Variants in ARHGAP12 observed in about 807,000 individuals in gnomAD.
The protein encoded by ARHGAP12 is Rho GTPase activating protein 12.
In ARHGAP12, 64 loss-of-function variants were observed where a neutral mutation model predicts 108.6. The ratio of observed to expected loss-of-function variants is 0.59; its 90% CI spans 0.48 to 0.73. The LOEUF (loss-of-function observed/expected upper bound fraction) is 0.73. ARHGAP12 is among the 30% of genes least tolerant of loss of function. The pLI is 0.00. For synonymous variants in ARHGAP12, 312 were observed against 337.2 expected (o/e 0.93, Z 0.82); for missense variants, 940 against 1,005.9 (o/e 0.93, Z 0.89).
chr10:31,828,096 T>C (rs540310577), intron 10 of ARHGAP12, among the ~76,000 whole-genome samples: 68 of 152,306 alleles, frequency 4.5e-4, no homozygotes, highest in African/African-American at 1.6e-3. Flanking sequence ...TGTGGACTTC[T>C]GCACATGCTT....
intron 3 of ARHGAP12, among the ~76,000 whole-genome samples, chr10:31,906,439 A>C (rs1012630625): frequency 9.2e-5 from 14 of 152,214 alleles, no homozygotes; most frequent in Admixed American, 8.5e-4. Context: ...TATCACACAG[A>C]TGGCAAGTGA....
chr10:31,874,589 A>C (rs1837654858), intron 3 of ARHGAP12, among the ~76,000 whole-genome samples: 1 of 152,220 alleles, frequency 6.6e-6, no homozygotes, highest in Non-Finnish European at 1.5e-5. Flanking sequence ...TTTTATACCA[A>C]GGCAAGAAAT....
In ARHGAP12 at chr10:31,819,586, C is replaced by T. The variant is rs116380293; in HGVS notation, c.1632+801G>A. Among the ~76,000 whole-genome samples, 952 of 152,252 alleles carry T rather than the reference C, an allele frequency of 6.3e-3. 14 individuals carry two copies. The highest frequency in any genetic ancestry group is 0.022 in the African/African-American group (895 of 41,538). On this transcript the variant is annotated intron_variant, in intron 12 of 19. Transcript: ENST00000344936. The stretch of plus-strand genomic sequence containing the variant: ...ACTTCCAAATCTAGGCCCTGAGAAG[C>T]CCTGCAGGTTCCACCCTCACCCTCT...
chr10:31,860,984 G>A (rs1355763268), intron 4 of ARHGAP12, among the ~76,000 whole-genome samples: 12 of 152,216 alleles, frequency 7.9e-5, no homozygotes, highest in African/African-American at 2.7e-4. Flanking sequence ...AAGCCCAAGA[G>A]TTTGAGGCTA....
intron 1 of ARHGAP12, among the ~76,000 whole-genome samples, chr10:31,915,767 T>G (rs1839529402): frequency 6.6e-6 from 1 of 152,088 alleles, no homozygotes; most frequent in Admixed American, 6.6e-5. Flanking sequence ...CATGAAATAA[T>G]TTACGTTTAA....
chr10:31,809,516 G>GTAATTCTA (rs1834938604), intron 16 of ARHGAP12: 2 of 527,192 alleles, frequency 3.8e-6, no homozygotes, highest in Non-Finnish European at 6.8e-6. Context: ...ATAAACAGCA[G>GTAATTCTA]TAATTCTACT....
chr10:31,823,609 T>C (rs1485056870), intron 11 of ARHGAP12, among the ~76,000 whole-genome samples: 2 of 152,216 alleles, frequency 1.3e-5, no homozygotes, highest in African/African-American at 4.8e-5. Flanking sequence ...GAACCTGCTA[T>C]TTCCTCAAGT....
intron 3 of ARHGAP12, among the ~76,000 whole-genome samples, chr10:31,892,841 T>C (rs1482430605): frequency 1.3e-5 from 2 of 152,198 alleles, no homozygotes; most frequent in African/African-American, 2.4e-5. Context: ...ATTGACCACA[T>C]AGTTGGAAGT....
intron 3 of ARHGAP12, among the ~76,000 whole-genome samples, chr10:31,905,228 A>C (rs1042196743): frequency 6.6e-6 from 1 of 151,994 alleles, no homozygotes; most frequent in African/African-American, 2.4e-5. Flanking sequence ...GGCTGTGATA[A>C]TTGTATAAAT....
At chr10:31,906,525 T>G (rs1052752103) in intron 3 of ARHGAP12, among the ~76,000 whole-genome samples, 2 of 152,188 alleles carry the variant, frequency 1.3e-5, no homozygotes. Flanking sequence ...TTCCATCCCA[T>G]GGCTTTCATA....
At chr10:31,843,100 G>A (rs1836329578) in intron 7 of ARHGAP12, among the ~76,000 whole-genome samples, 1 of 152,020 alleles carries the variant, frequency 6.6e-6, no homozygotes, top group South Asian at 2.1e-4. Context: ...TTTAAAATAA[G>A]GTAAGCAAGA....
chr10:31,865,360 T>A (rs1349219902), intron 3 of ARHGAP12, among the ~76,000 whole-genome samples: 2 of 152,124 alleles, frequency 1.3e-5, no homozygotes, highest in Non-Finnish European at 2.9e-5. Flanking sequence ...GAAGGTTAAA[T>A]TAACATACAG....
At chr10:31,825,470 T>C (rs571079572) in intron 11 of ARHGAP12, among the ~76,000 whole-genome samples, 142 of 152,292 alleles carry the variant, frequency 9.3e-4, no homozygotes, top group African/African-American at 3.2e-3. Context: ...CAAAAACTTT[T>C]AGAAATAGCC....
chr10:31,881,318 A>T (rs1241520104), intron 3 of ARHGAP12, among the ~76,000 whole-genome samples: 1 of 152,200 alleles, frequency 6.6e-6, no homozygotes, highest in Non-Finnish European at 1.5e-5. Flanking sequence ...CAGGCTGAAA[A>T]ACAGGAATAA....
intron 3 of ARHGAP12, among the ~76,000 whole-genome samples, chr10:31,905,271 T>C (rs560144697): frequency 2.0e-5 from 3 of 152,278 alleles, no homozygotes; most frequent in Non-Finnish European, 2.9e-5. Flanking sequence ...TTTTTGGTTC[T>C]TGTTTTTAGA....
chr10:31,815,337 A>G (rs1835167430), intron 13 of ARHGAP12, among the ~76,000 whole-genome samples: 1 of 152,128 alleles, frequency 6.6e-6, no homozygotes, highest in Non-Finnish European at 1.5e-5. Context: ...CAGCTGCACC[A>G]GCACCATCTG....
chr10:31,863,344 A>T (rs1287459897), intron 3 of ARHGAP12, among the ~76,000 whole-genome samples: 1 of 152,166 alleles, frequency 6.6e-6, no homozygotes, highest in Non-Finnish European at 1.5e-5. Flanking sequence ...CAGAACCTAG[A>T]ATATCTAGAG....
Position 31,843,546 on chromosome 10 carries a change from C to T in ARHGAP12, c.1211G>A (p.Ser404Asn), listed in dbSNP as rs1836344495. The change falls in exon 7 of 20, where the codon AGT (serine) becomes AAT (asparagine). Residue 404 changes from serine to asparagine, a missense_variant. Transcript: ENST00000344936. ...SSQQQREIIK[S>N]RSLDRRLQEP... is the part of the protein sequence containing the mutation. Reference sequence around the variant, plus strand: ...TTGCAGCCGCCTGTCCAGGCTCCTACTTTTAATTATTTCTCTTTGCTGCTG... The same window carrying T: ...TTGCAGCCGCCTGTCCAGGCTCCTATTTTTAATTATTTCTCTTTGCTGCTG... The T allele has an allele frequency of 6.2e-7, 1 of 1,611,006 alleles. No individual in the cohort carries two copies. Among genetic ancestry groups the T allele is most frequent in the African/African-American group, 1.3e-5 (1 of 74,696 alleles).
intron 4 of ARHGAP12, among the ~76,000 whole-genome samples, chr10:31,858,339 C>T (rs753744082): frequency 3.9e-5 from 6 of 152,184 alleles, no homozygotes; most frequent in Non-Finnish European, 7.4e-5. Context: ...CATATGACAG[C>T]AGCAGCACAA....
Sources: gnomAD v4.1 joint callset for allele counts (sites outside exome capture counted in the v4.1 genomes callset) on GRCh38, gnomAD v4.1.1 for gene constraint, MANE v1.5 for transcripts, NCBI Gene and HGNC (gene_info 2026-07-23, HGNC 2026-07-21) for gene names.